Variants in CUX2 observed in about 807,000 individuals in gnomAD.
The protein encoded by CUX2 is cut like homeobox 2.
CUX2 carries 40 observed loss-of-function variants against 144.8 expected under a neutral mutation model. The observed-to-expected ratio is 0.28, with a 90% CI of 0.21 to 0.36. The LOEUF (loss-of-function observed/expected upper bound fraction) is 0.36, where lower values mean the gene tolerates loss of function less well. CUX2 is among the 10% of genes least tolerant of loss of function. The probability of loss-of-function intolerance (pLI) is 1.00; values close to 1 mark genes in which losing one functional copy is unlikely to be tolerated. For missense variants in CUX2, 1,615 were observed against 1,994.0 expected, an observed-to-expected ratio of 0.81 and a Z score of 3.62; for synonymous variants, 827 against 875.6, an observed-to-expected ratio of 0.94 and a Z score of 0.98.
At chr12:111,300,106 T>C (rs1016792577) in intron 9 of CUX2, among the ~76,000 whole-genome samples, 3 of 152,088 alleles carry the variant, frequency 2.0e-5, no homozygotes, top group Non-Finnish European at 4.4e-5. Flanking sequence ...CCAGAATATA[T>C]CTATTTTAAC....
At chr12:111,095,570 G>T (rs1182833500) in intron 1 of CUX2, among the ~76,000 whole-genome samples, 1 of 152,050 alleles carries the variant, frequency 6.6e-6, no homozygotes, top group African/African-American at 2.4e-5. Context: ...TTATTTCCTG[G>T]TCTAATGAGG....
intron 1 of CUX2, among the ~76,000 whole-genome samples, chr12:111,179,350 C>G (rs1434029421): frequency 1.3e-5 from 2 of 152,148 alleles, no homozygotes; most frequent in East Asian, 3.9e-4. Flanking sequence ...AAAGATAAAT[C>G]AGGAGACCAC....
At chr12:111,109,471 C>T (rs1486295739) in intron 1 of CUX2, among the ~76,000 whole-genome samples, 1 of 152,212 alleles carries the variant, frequency 6.6e-6, no homozygotes, top group Non-Finnish European at 1.5e-5. Context: ...CCATCTCTGG[C>T]ATGTGGGGGC....
intron 1 of CUX2, among the ~76,000 whole-genome samples, chr12:111,050,625 C>T (rs1284887035): frequency 6.6e-6 from 1 of 152,218 alleles, no homozygotes; most frequent in East Asian, 1.9e-4. Flanking sequence ...ATGTCCAGTT[C>T]ATCACTAAAT....
chr12:111,302,298 T>A (rs1490510300), intron 9 of CUX2, among the ~76,000 whole-genome samples: 1 of 152,162 alleles, frequency 6.6e-6, no homozygotes, highest in Non-Finnish European at 1.5e-5. Flanking sequence ...TAATATACCC[T>A]CATGATGTTA....
At chr12:111,337,534 T>G (rs1470827330) in intron 19 of CUX2, among the ~76,000 whole-genome samples, 2 of 152,190 alleles carry the variant, frequency 1.3e-5, no homozygotes, top group African/African-American at 4.8e-5. Context: ...TCCTGCTGCC[T>G]CTAAAAATAA....
Position 111,349,175 on chromosome 12 carries a change from G to A in CUX2, c.*850G>A, listed in dbSNP as rs1565940604. On this transcript the variant is annotated 3_prime_UTR_variant, in exon 22 of 22. Coordinates refer to ENST00000261726, the MANE Select transcript of CUX2 (RefSeq NM_015267.4). ...GCCATGGAGGTCAGACATCCATCTT[G>A]TCCATCTATAGGCAAGAAGTGTTTC... is the stretch of plus-strand genomic sequence containing the variant. 6.6e-6 allele frequency: 1 copy of A among 152,266 alleles called. No homozygotes were observed. Among genetic ancestry groups the A allele is most frequent in the Non-Finnish European group, 1.5e-5 (1 of 68,084 alleles). 9.4% of individuals were successfully genotyped at this position (152,266 alleles called of 1,614,324 possible).
At chr12:111,247,735 T>C (rs1186301113) in intron 3 of CUX2, among the ~76,000 whole-genome samples, 1 of 152,138 alleles carries the variant, frequency 6.6e-6, no homozygotes, top group Non-Finnish European at 1.5e-5. Flanking sequence ...CGCTCTGGTT[T>C]TTTGGCTTCA....
intron 4 of CUX2, among the ~76,000 whole-genome samples, chr12:111,288,560 C>T (rs1885513264): frequency 6.6e-6 from 1 of 151,936 alleles, no homozygotes; most frequent in Non-Finnish European, 1.5e-5. Context: ...GGCACGATAA[C>T]TCATGCCTAT....
chr12:111,076,038 C>T (rs753269847), intron 1 of CUX2, among the ~76,000 whole-genome samples: 1 of 152,200 alleles, frequency 6.6e-6, no homozygotes. Flanking sequence ...AATTCACATT[C>T]TTGAAGTCAC....
At chr12:111,109,193 C>T (rs1257257420) in intron 1 of CUX2, among the ~76,000 whole-genome samples, 1 of 152,188 alleles carries the variant, frequency 6.6e-6, no homozygotes, top group African/African-American at 2.4e-5. Flanking sequence ...CTTTCTCTCT[C>T]TTAGCTGGGC....
chr12:111,058,581 G>C (rs1208529402), intron 1 of CUX2, among the ~76,000 whole-genome samples: 2 of 151,514 alleles, frequency 1.3e-5, no homozygotes, highest in African/African-American at 4.9e-5. Context: ...GACAGACAGA[G>C]AGAGAGACAG....
At chr12:111,075,941 G>A (rs1293699317) in intron 1 of CUX2, among the ~76,000 whole-genome samples, 2 of 152,172 alleles carry the variant, frequency 1.3e-5, no homozygotes, top group Non-Finnish European at 2.9e-5. Flanking sequence ...TTAGCAGGTG[G>A]CCGGGAACTG....
At chr12:111,189,634 A>G (rs750951855) in intron 1 of CUX2, among the ~76,000 whole-genome samples, 1 of 152,190 alleles carries the variant, frequency 6.6e-6, no homozygotes, top group African/African-American at 2.4e-5. Context: ...TGGGGCTATT[A>G]TGAATACTGC....
At chr12:111,202,383 C>G (rs1284908004) in intron 1 of CUX2, among the ~76,000 whole-genome samples, 9 of 152,144 alleles carry the variant, frequency 5.9e-5, no homozygotes, top group Admixed American at 5.9e-4. Context: ...GGATGTGGCT[C>G]TGGTTTTCGG....
intron 16 of CUX2, among the ~76,000 whole-genome samples, chr12:111,314,893 G>A (rs1442114676): frequency 4.0e-5 from 6 of 151,890 alleles, no homozygotes; most frequent in South Asian, 2.1e-4. Context: ...CCACTAAACC[G>A]ACAGGACAAC....
intron 1 of CUX2, among the ~76,000 whole-genome samples, chr12:111,124,823 C>CTA (rs1874940756): frequency 6.6e-6 from 1 of 152,148 alleles, no homozygotes; most frequent in African/African-American, 2.4e-5. Context: ...TCCCCACTGT[C>CTA]TATTGTTGCT....
intron 21 of CUX2, among the ~76,000 whole-genome samples, chr12:111,346,475 CAAA>C (rs1012828428): frequency 8.0e-5 from 7 of 87,510 alleles, no homozygotes; most frequent in Non-Finnish European, 7.2e-5. Context: ...GACTCCATCT[CAAA>C]AAAAAAAAAA....
chr12:111,343,574 C>T (rs572704375), intron 21 of CUX2, among the ~76,000 whole-genome samples: 1 of 152,280 alleles, frequency 6.6e-6, no homozygotes, highest in South Asian at 2.1e-4. Flanking sequence ...AGGAGCAACT[C>T]AGCATCTCCT....
Sources: gnomAD v4.1 joint callset for allele counts (sites outside exome capture counted in the v4.1 genomes callset) on GRCh38, gnomAD v4.1.1 for gene constraint, MANE v1.5 for transcripts, NCBI Gene and HGNC (gene_info 2026-07-23, HGNC 2026-07-21) for gene names.